Variants in VTCN1 observed in about 807,000 individuals in gnomAD.
VTCN1 encodes V-set domain containing T cell activation inhibitor 1.
A neutral mutation model predicts 26.5 loss-of-function variants in VTCN1; 26 were observed. The ratio of observed to expected loss-of-function variants is 0.98; its 90% CI spans 0.72 to 1.36. The LOEUF (loss-of-function observed/expected upper bound fraction) is 1.36. Among genes scored for constraint, VTCN1 ranks in the 40% most tolerant of loss-of-function variants. The pLI is 0.00. For missense variants in VTCN1, 298 were observed against 337.7 expected, an observed-to-expected ratio of 0.88 and a Z score of 0.92; for synonymous variants, 116 against 130.7, an observed-to-expected ratio of 0.89 and a Z score of 0.77.
At chr1:117,198,064 C>T (rs962147980) in intron 1 of VTCN1, among the ~76,000 whole-genome samples, 14 of 152,180 alleles carry the variant, frequency 9.2e-5, no homozygotes, top group Admixed American at 5.9e-4. Context: ...GTTGGGGCCC[C>T]ATTTAATGTC....
chr1:117,178,816 C>T (rs114286491), intron 1 of VTCN1, among the ~76,000 whole-genome samples: 2,166 of 152,088 alleles, frequency 0.014, 52 homozygotes, highest in African/African-American at 0.048. Context: ...GTCTCAAACT[C>T]CTGGCATCAA....
intron 1 of VTCN1, among the ~76,000 whole-genome samples, chr1:117,205,172 AG>A (rs1648992557): frequency 6.8e-6 from 1 of 148,134 alleles, no homozygotes; most frequent in South Asian, 2.1e-4. Context: ...AGAGAGAGAG[AG>A]AGAGGGGGGT....
At chr1:117,185,001 A>T (rs1346111011) in intron 1 of VTCN1, among the ~76,000 whole-genome samples, 1 of 152,162 alleles carries the variant, frequency 6.6e-6, no homozygotes, top group Non-Finnish European at 1.5e-5. Context: ...TAAGAAAAGG[A>T]ACAAATGCTG....
chr1:117,154,799 A>AC, intron 3 of VTCN1, among the ~76,000 whole-genome samples: 1 of 151,560 alleles, frequency 6.6e-6, no homozygotes, highest in East Asian at 1.9e-4. Context: ...AAAAAAAAAA[A>AC]AAAAGAAAGA....
rs554314698 is a variant in VTCN1, at chr1:117,197,005, T to A, written c.32+13819A>T. ...ATCTTGCAGCTCACTTCTTTACAAC[T>A]TTATTTGCCTTAAGGGTAGAAAATT... On this transcript the variant is annotated intron_variant, in intron 1 of 5. Coordinates refer to ENST00000369458, the MANE Select transcript of VTCN1 (RefSeq NM_024626.4). 3.9e-5 allele frequency among the ~76,000 whole-genome samples: 6 copies of A among 152,292 alleles called. No homozygotes were observed. In the South Asian group the frequency reaches 1.2e-3, roughly 32 times the overall value.
chr1:117,204,652 G>A (rs992167069), intron 1 of VTCN1, among the ~76,000 whole-genome samples: 11 of 152,046 alleles, frequency 7.2e-5, no homozygotes, highest in Non-Finnish European at 1.5e-5. Context: ...GGATCATGAG[G>A]TCAGGAGATG....
chr1:117,191,547 C>T (rs1648245047), intron 1 of VTCN1, among the ~76,000 whole-genome samples: 1 of 152,116 alleles, frequency 6.6e-6, no homozygotes. Flanking sequence ...CTTTGGGAGG[C>T]CAAGGTGGGC....
chr1:117,205,542 G>C (rs1649015759), intron 1 of VTCN1, among the ~76,000 whole-genome samples: 1 of 152,258 alleles, frequency 6.6e-6, no homozygotes, highest in South Asian at 2.1e-4. Context: ...AAGCAACACA[G>C]ACCAACAATC....
At chr1:117,170,076 A>G (rs1652823416) in intron 2 of VTCN1, 31 bp downstream of exon 2, 1 of 1,597,718 alleles carries the variant, frequency 6.3e-7, no homozygotes, top group Admixed American at 1.7e-5. Flanking sequence ...TGAGGGGTGA[A>G]TAGATTGTAG....
chr1:117,177,632 T>C (rs1647424755), intron 1 of VTCN1, among the ~76,000 whole-genome samples: 1 of 152,216 alleles, frequency 6.6e-6, no homozygotes, highest in Non-Finnish European at 1.5e-5. Context: ...GAGACTTGGC[T>C]GCTGTTGAGT....
chr1:117,208,625 C>T (rs1222257182), intron 1 of VTCN1, among the ~76,000 whole-genome samples: 2 of 152,166 alleles, frequency 1.3e-5, no homozygotes, highest in Admixed American at 1.3e-4. Context: ...CCCTGTCCTC[C>T]TAGCAAGCAT....
At position 117,155,554 on chromosome 1, in the gene VTCN1, C is replaced by T. The variant is rs1652028181; in HGVS notation, c.445+1020G>A. Among the ~76,000 whole-genome samples the T allele has an allele frequency of 6.6e-6, 1 of 152,096 alleles. No homozygotes were observed. Among genetic ancestry groups the T allele is most frequent in the Non-Finnish European group, 1.5e-5 (1 of 68,022 alleles). ...TGTTGCTTAAATTGTTCCAGCTTTG[C>T]CATTGGAAGCTCTTTCAGTTGGCTC... On this transcript the variant is annotated intron_variant, in intron 3 of 5. Coordinates refer to ENST00000369458, the MANE Select transcript of VTCN1 (RefSeq NM_024626.4). This position sits in a 1 kb window ranked among gnomAD's most constrained non-coding sequence, Gnocchi z 4.8.
chr1:117,189,639 C>CT (rs965048300), intron 1 of VTCN1, among the ~76,000 whole-genome samples: 1 of 152,068 alleles, frequency 6.6e-6, no homozygotes, highest in Non-Finnish European at 1.5e-5. Context: ...GTTTTTGTTC[C>CT]TGATTAAAAT....
chr1:117,197,493 T>C (rs1035422435), intron 1 of VTCN1, among the ~76,000 whole-genome samples: 3 of 152,108 alleles, frequency 2.0e-5, no homozygotes, highest in African/African-American at 7.2e-5. Context: ...TAGTAAATAT[T>C]CTCTCCATTT....
chr1:117,199,694 G>T (rs986434367), intron 1 of VTCN1, among the ~76,000 whole-genome samples: 1 of 148,910 alleles, frequency 6.7e-6, no homozygotes, highest in African/African-American at 2.5e-5. Context: ...GAAGTACAGT[G>T]GTGCAGTCGT....
chr1:117,209,364 A>G (rs2101615746), intron 1 of VTCN1, among the ~76,000 whole-genome samples: 1 of 152,268 alleles, frequency 6.6e-6, no homozygotes, highest in East Asian at 1.9e-4. Flanking sequence ...CCTTGGGATC[A>G]AGGCTGGAGG....
chr1:117,209,951 T>C (rs530721921), intron 1 of VTCN1, among the ~76,000 whole-genome samples: 266 of 152,330 alleles, frequency 1.7e-3, no homozygotes, highest in Non-Finnish European at 3.0e-3. Flanking sequence ...CTTTTCTTCC[T>C]TTTGTGGGAA....
intron 1 of VTCN1, among the ~76,000 whole-genome samples, chr1:117,187,901 G>A (rs955397761): frequency 2.6e-5 from 4 of 152,044 alleles, no homozygotes; most frequent in African/African-American, 9.7e-5. Flanking sequence ...AAAAAGGGGG[G>A]ATCTTTGACA....
chr1:117,151,165 T>C (rs1300103473), intron 4 of VTCN1, among the ~76,000 whole-genome samples: 2 of 151,978 alleles, frequency 1.3e-5, no homozygotes, highest in East Asian at 3.8e-4. Flanking sequence ...ATAGTGTAAG[T>C]GTGAGCCACC....
Sources: gnomAD v4.1 joint callset for allele counts (sites outside exome capture counted in the v4.1 genomes callset) on GRCh38, gnomAD v4.1.1 for gene constraint, Gnocchi (gnomAD v3.1) non-coding constraint, MANE v1.5 for transcripts, NCBI Gene and HGNC (gene_info 2026-07-23, HGNC 2026-07-21) for gene names.